DGKB: variants seen among roughly 807,000 people sequenced by gnomAD.
The protein encoded by DGKB is diacylglycerol kinase beta, also known as 90 kDa diacylglycerol kinase.
In DGKB, 67 loss-of-function variants were observed where a neutral mutation model predicts 114.3. The observed-to-expected ratio is 0.59, with a 90% CI of 0.48 to 0.72. DGKB has a LOEUF of 0.72. DGKB is among the 30% of genes least tolerant of loss of function. The pLI is 0.00. For synonymous variants in DGKB, 398 were observed against 323.1 expected, an observed-to-expected ratio of 1.23 and a Z score of -2.49; for missense variants, 907 against 975.2, an observed-to-expected ratio of 0.93 and a Z score of 0.93.
intron 13 of DGKB, among the ~76,000 whole-genome samples, chr7:14,647,000 C>A (rs1239292655): frequency 6.6e-6 from 1 of 150,760 alleles, no homozygotes; most frequent in African/African-American, 2.4e-5. Context: ...AAAATAGAGA[C>A]TAAAAAATTA....
chr7:14,440,244 G>A (rs1369365559), intron 21 of DGKB, among the ~76,000 whole-genome samples: 1 of 152,110 alleles, frequency 6.6e-6, no homozygotes, highest in East Asian at 1.9e-4. Context: ...TTGTGCCTGG[G>A]TTCTGACTGC....
At chr7:14,708,659 C>T (rs965840598) in intron 6 of DGKB, among the ~76,000 whole-genome samples, 76 of 151,456 alleles carry the variant, frequency 5.0e-4, no homozygotes, top group South Asian at 8.4e-4. Flanking sequence ...GAAATAACGC[C>T]GCATACCTAC....
At chr7:14,422,451 A>T (rs1393066553) in intron 21 of DGKB, among the ~76,000 whole-genome samples, 1 of 152,084 alleles carries the variant, frequency 6.6e-6, no homozygotes, top group African/African-American at 2.4e-5. Context: ...AATCAGAAAG[A>T]CTTAAACCCA....
At chr7:14,212,973 C>T (rs1788373270) in intron 23 of DGKB, among the ~76,000 whole-genome samples, 2 of 151,970 alleles carry the variant, frequency 1.3e-5, no homozygotes, top group Admixed American at 1.3e-4. Flanking sequence ...CATCATCACT[C>T]CTAATCCTTG....
At chr7:14,825,066 C>A (rs1446773804) in intron 2 of DGKB, among the ~76,000 whole-genome samples, 2 of 107,942 alleles carry the variant, frequency 1.9e-5, no homozygotes, top group Admixed American at 1.1e-4. Flanking sequence ...ATCACATGTA[C>A]TAGGTAAGCA....
intron 21 of DGKB, among the ~76,000 whole-genome samples, chr7:14,404,846 C>G (rs1264964573): frequency 6.6e-6 from 1 of 151,764 alleles, no homozygotes; most frequent in Non-Finnish European, 1.5e-5. Flanking sequence ...GTTGGCTGCT[C>G]TTCTTCTACT....
chr7:14,530,403 C>T (rs907915171), intron 20 of DGKB, among the ~76,000 whole-genome samples: 1 of 151,418 alleles, frequency 6.6e-6, no homozygotes, highest in Non-Finnish European at 1.5e-5. Context: ...CTCCCTTGAT[C>T]CCTTTTCAGA....
intron 12 of DGKB, among the ~76,000 whole-genome samples, chr7:14,677,400 T>C (rs1820057869): frequency 6.6e-6 from 1 of 152,034 alleles, no homozygotes; most frequent in African/African-American, 2.4e-5. Flanking sequence ...CCCTAATATT[T>C]TGCAGTTTGG....
At chr7:14,449,134 C>G (rs535164961) in intron 21 of DGKB, among the ~76,000 whole-genome samples, 12 of 152,116 alleles carry the variant, frequency 7.9e-5, no homozygotes, top group Non-Finnish European at 1.6e-4. Flanking sequence ...ACTTAATAAT[C>G]ACATATTTTA....
At chr7:14,942,704 C>T (rs557678397) in intron 1 of DGKB, among the ~76,000 whole-genome samples, 20 of 152,082 alleles carry the variant, frequency 1.3e-4, no homozygotes, top group African/African-American at 4.8e-4. Flanking sequence ...GACTTTTCCA[C>T]TTTGTCTTCT....
intron 1 of DGKB, among the ~76,000 whole-genome samples, chr7:14,958,511 AAAG>A (rs1325696204): frequency 6.6e-6 from 1 of 151,750 alleles, no homozygotes; most frequent in Non-Finnish European, 1.5e-5. Context: ...TCAGAAAAAC[AAAG>A]AAGAAGCCTA....
chr7:14,299,763 C>T (rs950675982), intron 23 of DGKB, among the ~76,000 whole-genome samples: 6 of 152,028 alleles, frequency 3.9e-5, no homozygotes, highest in Admixed American at 2.6e-4. Context: ...TCACACCTGC[C>T]GCTTCCCTCC....
intron 2 of DGKB, among the ~76,000 whole-genome samples, chr7:14,810,818 A>G (rs1382478448): frequency 6.6e-6 from 1 of 152,184 alleles, no homozygotes; most frequent in Non-Finnish European, 1.5e-5. Context: ...CATGTTGGCC[A>G]GGCTGATTTC....
intron 21 of DGKB, among the ~76,000 whole-genome samples, chr7:14,408,805 A>G (rs1824370610): frequency 6.6e-6 from 1 of 152,106 alleles, no homozygotes; most frequent in African/African-American, 2.4e-5. Flanking sequence ...TTCAACAAAT[A>G]TATTGTAAAA....
intron 21 of DGKB, among the ~76,000 whole-genome samples, chr7:14,395,737 C>T (rs1822114726): frequency 6.6e-6 from 1 of 151,618 alleles, no homozygotes; most frequent in Admixed American, 6.6e-5. Context: ...ATTTATTATT[C>T]ACATTATTTT....
intron 1 of DGKB, among the ~76,000 whole-genome samples, chr7:14,945,840 T>A (rs1395020244): frequency 6.6e-6 from 1 of 151,740 alleles, no homozygotes; most frequent in African/African-American, 2.4e-5. Context: ...TGATTACTTA[T>A]CAACATCATA....
chr7:14,185,346 G>A (rs779473091), intron 23 of DGKB, among the ~76,000 whole-genome samples: 165 of 151,922 alleles, frequency 1.1e-3, no homozygotes, highest in Admixed American at 3.0e-3. Flanking sequence ...ACTGCAAAAC[G>A]CTATTGAAAA....
chr7:14,723,207 C>G (rs756245451), intron 5 of DGKB, among the ~76,000 whole-genome samples: 1 of 152,064 alleles, frequency 6.6e-6, no homozygotes, highest in Non-Finnish European at 1.5e-5. Context: ...AGCCTGACTT[C>G]TTGACTACAG....
intron 1 of DGKB, among the ~76,000 whole-genome samples, chr7:14,968,742 A>T (rs1787303117): frequency 6.6e-6 from 1 of 152,200 alleles, no homozygotes; most frequent in Non-Finnish European, 1.5e-5. Context: ...GTCAAAATGG[A>T]AGCAAAATGT....
Sources: gnomAD v4.1 joint callset for allele counts (sites outside exome capture counted in the v4.1 genomes callset) on GRCh38, gnomAD v4.1.1 for gene constraint, MANE v1.5 for transcripts, NCBI Gene and HGNC (gene_info 2026-07-23, HGNC 2026-07-21) for gene names.